Variants in PDZRN4 observed in about 807,000 individuals in gnomAD.
PDZRN4 encodes PDZ domain-containing RING finger protein 4.
In PDZRN4, 70 loss-of-function variants were observed where a neutral mutation model predicts 99.0. The observed-to-expected ratio is 0.71, with a 90% CI of 0.58 to 0.86. The LOEUF (loss-of-function observed/expected upper bound fraction) is 0.86, where lower values mean the gene tolerates loss of function less well. Among genes scored for constraint, PDZRN4 ranks in the 40% least tolerant of loss-of-function variants. The probability of loss-of-function intolerance (pLI) is 0.00; values close to 1 mark genes in which losing one functional copy is unlikely to be tolerated. For synonymous variants in PDZRN4, 551 were observed against 501.6 expected, an observed-to-expected ratio of 1.10 and a Z score of -1.32; for missense variants, 1,474 against 1,331.2, an observed-to-expected ratio of 1.11 and a Z score of -1.67.
chr12:41,233,914 A>G (rs1325528942), intron 3 of PDZRN4, among the ~76,000 whole-genome samples: 3 of 152,024 alleles, frequency 2.0e-5, no homozygotes, highest in East Asian at 3.9e-4. Context: ...TGTTGTGCAC[A>G]TGTACCCTAA....
intron 3 of PDZRN4, among the ~76,000 whole-genome samples, chr12:41,293,988 G>A (rs973722585): frequency 6.6e-6 from 1 of 152,150 alleles, no homozygotes; most frequent in African/African-American, 2.4e-5. Context: ...ATAAACAATA[G>A]GGTTGCTTGG....
intron 3 of PDZRN4, among the ~76,000 whole-genome samples, chr12:41,355,192 G>C (rs899354539): frequency 6.6e-6 from 1 of 152,060 alleles, no homozygotes; most frequent in Non-Finnish European, 1.5e-5. Context: ...TTGGCTACCA[G>C]AGGGAGTGAA....
At chr12:41,509,640 G>C in intron 4 of PDZRN4, 171 bp from the exon 5 acceptor site, 1 of 446,666 alleles carries the variant, frequency 2.2e-6, no homozygotes, top group Non-Finnish European at 4.0e-6. Flanking sequence ...ACTTCACGTA[G>C]AGGGAGAAAG....
At chr12:41,428,557 T>A (rs1565580318) in intron 3 of PDZRN4, among the ~76,000 whole-genome samples, 3 of 151,930 alleles carry the variant, frequency 2.0e-5, no homozygotes, top group Non-Finnish European at 4.4e-5. Flanking sequence ...GTTAGCAGAG[T>A]TGTAACCTTT....
chr12:41,360,858 T>C (rs1399004675), intron 3 of PDZRN4, among the ~76,000 whole-genome samples: 1 of 151,890 alleles, frequency 6.6e-6, no homozygotes, highest in African/African-American at 2.4e-5. Flanking sequence ...TTGCATGAGG[T>C]TTTCTACCTT....
chr12:41,380,630 C>A (rs1247671931), intron 3 of PDZRN4, among the ~76,000 whole-genome samples: 2 of 151,990 alleles, frequency 1.3e-5, no homozygotes, highest in African/African-American at 4.8e-5. Context: ...TTATTTCCCC[C>A]TTTTCATTTT....
chr12:41,210,617 C>T lies in PDZRN4; in HGVS notation c.843+16429C>T, dbSNP rs1024560604. 2.0e-5 allele frequency among the ~76,000 whole-genome samples: 3 copies of T among 151,778 alleles called. No individual in the cohort carries two copies. In the South Asian group the frequency reaches 6.2e-4, roughly 31 times the overall value. ...TACTTTAAATTATTTTACTTGTGTA[C>T]AGTTATTGAAAAATGAAACCATGGT... On this transcript the variant is annotated intron_variant, in intron 3 of 9. Coordinates refer to ENST00000402685, the MANE Select transcript of PDZRN4 (RefSeq NM_001164595.2).
At chr12:41,215,491 T>C (rs1039210816) in intron 3 of PDZRN4, among the ~76,000 whole-genome samples, 1 of 152,012 alleles carries the variant, frequency 6.6e-6, no homozygotes, top group Non-Finnish European at 1.5e-5. Flanking sequence ...GAGTGATATG[T>C]TGAAAGTTTA....
chr12:41,370,969 A>T (rs1464519252), intron 3 of PDZRN4, among the ~76,000 whole-genome samples: 1 of 151,386 alleles, frequency 6.6e-6, no homozygotes, highest in Non-Finnish European at 1.5e-5. Context: ...ATACTCTTAG[A>T]TTCCTCTATT....
intron 5 of PDZRN4, among the ~76,000 whole-genome samples, chr12:41,546,121 A>G (rs186760360): frequency 5.3e-5 from 8 of 152,306 alleles, no homozygotes; most frequent in Admixed American, 3.9e-4. Context: ...AAATTGTGGT[A>G]ATGAACGTAC....
intron 3 of PDZRN4, among the ~76,000 whole-genome samples, chr12:41,208,698 G>A (rs1014228563): frequency 6.6e-6 from 1 of 151,870 alleles, no homozygotes; most frequent in East Asian, 1.9e-4. Flanking sequence ...TAGGAAGCAT[G>A]CTATGTAGTA....
chr12:41,495,392 A>T (rs1252883218), intron 3 of PDZRN4, among the ~76,000 whole-genome samples: 1 of 152,074 alleles, frequency 6.6e-6, no homozygotes, highest in East Asian at 1.9e-4. Flanking sequence ...GTGTGGATTA[A>T]TTGATGGGAA....
chr12:41,266,328 AAAAAAAAT>A (rs1233722290), intron 3 of PDZRN4, among the ~76,000 whole-genome samples: 2 of 11,238 alleles, frequency 1.8e-4, no homozygotes, highest in African/African-American at 4.4e-4. Flanking sequence ...AAAAAAAAAA[AAAAAAAAT>A]GAGATATTAA....
intron 7 of PDZRN4, among the ~76,000 whole-genome samples, chr12:41,556,159 T>A (rs1209733573): frequency 6.6e-6 from 1 of 152,252 alleles, no homozygotes; most frequent in Non-Finnish European, 1.5e-5. Context: ...AAGTAGTTAA[T>A]AAATATTAAT....
chr12:41,329,761 T>C (rs1173208544), intron 3 of PDZRN4, among the ~76,000 whole-genome samples: 1 of 152,132 alleles, frequency 6.6e-6, no homozygotes, highest in African/African-American at 2.4e-5. Flanking sequence ...TGACATTGTT[T>C]ATACAAATTC....
At chr12:41,410,272 C>A (rs887742082) in intron 3 of PDZRN4, among the ~76,000 whole-genome samples, 2 of 152,148 alleles carry the variant, frequency 1.3e-5, no homozygotes, top group Admixed American at 1.3e-4. Flanking sequence ...GCTTAGAAAT[C>A]ATAAGCAATA....
intron 3 of PDZRN4, among the ~76,000 whole-genome samples, chr12:41,218,109 C>A (rs1950932879): frequency 6.6e-6 from 1 of 152,080 alleles, no homozygotes; most frequent in Non-Finnish European, 1.5e-5. Flanking sequence ...GCATAATGAA[C>A]CTATTAAAAG....
rs555519370 is a variant in PDZRN4 at position 41,215,489 on chromosome 12, T to C, written c.843+21301T>C. On this transcript the variant is annotated intron_variant, in intron 3 of 9. Transcript: ENST00000402685. ...ACTTTTTAAATTATCACGAGTGATA[T>C]GTTGAAAGTTTATAATAAACAAAAA... Among the ~76,000 whole-genome samples the C allele has an allele frequency of 2.6e-5, 4 of 152,138 alleles. No individual in the cohort carries two copies. In the South Asian group the frequency reaches 8.3e-4, roughly 32 times the overall value.
At chr12:41,194,276 G>C in intron 3 of PDZRN4, 88 bp downstream of exon 3, 1 of 701,942 alleles carries the variant, frequency 1.4e-6, no homozygotes, top group South Asian at 1.6e-5. Flanking sequence ...ACCTTGGTGT[G>C]GTGCTTATTA....
Sources: gnomAD v4.1 joint callset for allele counts (sites outside exome capture counted in the v4.1 genomes callset) on GRCh38, gnomAD v4.1.1 for gene constraint, MANE v1.5 for transcripts, NCBI Gene and HGNC (gene_info 2026-07-23, HGNC 2026-07-21) for gene names.